The following GABRB3 variants were observed in gnomAD, a reference collection of about 807,000 sequenced individuals.
The protein encoded by GABRB3 is gamma-aminobutyric acid type A receptor subunit beta3, also known as gamma-aminobutyric acid receptor subunit beta-3.
Under a neutral mutation model 52.1 loss-of-function variants are expected in GABRB3, and 14 were observed. That is an observed-to-expected ratio of 0.27 (90% CI 0.18 to 0.42). GABRB3 has a LOEUF of 0.42. Among genes scored for constraint, GABRB3 ranks in the 10% least tolerant of loss-of-function variants. The pLI is 1.00. For synonymous variants in GABRB3, 260 were observed against 232.3 expected (o/e 1.12, Z -1.08); for missense variants, 307 against 609.1 (o/e 0.50, Z 5.22).
rs1890510273 is a variant in GABRB3, at chr15:26,751,616, A to G, written c.240+20786T>C. Among the ~76,000 whole-genome samples the G allele has an allele frequency of 4.6e-5, 7 of 152,032 alleles. No homozygotes were observed. The South Asian group carries it at 1.4e-3, about 31-fold the overall frequency. Reference sequence around the variant, plus strand: ...AAGCACCCTTAAAAAAATCAATAGTATGTCTAACTCATTAGTATTTTTGGT... The same window carrying G: ...AAGCACCCTTAAAAAAATCAATAGTGTGTCTAACTCATTAGTATTTTTGGT... On this transcript the variant is annotated intron_variant, in intron 3 of 8. Transcript: ENST00000311550.
intron 3 of GABRB3, among the ~76,000 whole-genome samples, chr15:26,670,103 G>C (rs1360234902): frequency 2.6e-5 from 4 of 152,212 alleles, no homozygotes; most frequent in Non-Finnish European, 4.4e-5. Context: ...CCTCACCTGG[G>C]AGGAGACGCA....
intron 3 of GABRB3, among the ~76,000 whole-genome samples, chr15:26,732,331 TGGATGGAC>T (rs1566822729): frequency 6.9e-6 from 1 of 145,344 alleles, no homozygotes; most frequent in South Asian, 2.1e-4. Flanking sequence ...GATGGATGGA[TGGATGGAC>T]GGACAGATGA....
chr15:26,670,136 C>G (rs990348802), intron 3 of GABRB3, among the ~76,000 whole-genome samples: 1 of 152,218 alleles, frequency 6.6e-6, no homozygotes, highest in African/African-American at 2.4e-5. Context: ...GTGCGGGAGC[C>G]TACAGGGCTG....
At chr15:26,745,495 A>G (rs1044008653) in intron 3 of GABRB3, among the ~76,000 whole-genome samples, 9 of 152,102 alleles carry the variant, frequency 5.9e-5, no homozygotes, top group African/African-American at 2.2e-4. Flanking sequence ...GTGTATTCAT[A>G]TGTGGGCAGG....
chr15:26,613,973 G>A (rs929675714), intron 4 of GABRB3: 3 of 152,274 alleles, frequency 2.0e-5, no homozygotes, highest in African/African-American at 7.2e-5. Flanking sequence ...CCTAGGACAG[G>A]GGCATGCCTG....
intron 3 of GABRB3, among the ~76,000 whole-genome samples, chr15:26,627,300 G>T (rs1232209633): frequency 6.8e-6 from 1 of 146,172 alleles, no homozygotes; most frequent in Non-Finnish European, 1.5e-5. Flanking sequence ...AGAGATGAAT[G>T]TTGTTTTCAT....
intron 3 of GABRB3, among the ~76,000 whole-genome samples, chr15:26,727,563 C>G (rs2140146622): frequency 6.6e-6 from 1 of 152,258 alleles, no homozygotes; most frequent in Non-Finnish European, 1.5e-5. Flanking sequence ...AGCACTTTCC[C>G]TACCCCAGCC....
intron 8 of GABRB3, among the ~76,000 whole-genome samples, chr15:26,560,493 G>A (rs551471046): frequency 5.6e-4 from 86 of 152,258 alleles, no homozygotes; most frequent in African/African-American, 1.9e-3. Flanking sequence ...CCAGATAGAC[G>A]CTGTTTTAAG....
intron 3 of GABRB3, among the ~76,000 whole-genome samples, chr15:26,697,699 A>T (rs1888786479): frequency 6.6e-6 from 1 of 152,166 alleles, no homozygotes; most frequent in Non-Finnish European, 1.5e-5. Context: ...GGTTGAAAAA[A>T]GGGACTGCAA....
chr15:26,679,297 G>A lies in GABRB3; in HGVS notation c.241-57763C>T, dbSNP rs116555831. Among the ~76,000 whole-genome samples the A allele has an allele frequency of 7.3e-3, 1,106 of 152,224 alleles. 17 individuals are homozygous for A. The highest frequency in any genetic ancestry group is 0.026 in the African/African-American group (1,077 of 41,558). ...ACACTGTCCACTGAAATCTGTTTCT[G>A]ACCTCCTTAGTGTAAGCACAGGCTG... On this transcript the variant is annotated intron_variant, in intron 3 of 8. Transcript: ENST00000311550.
intron 4 of GABRB3, among the ~76,000 whole-genome samples, chr15:26,591,406 T>C (rs1595465525): frequency 6.6e-6 from 1 of 152,210 alleles, no homozygotes; most frequent in Admixed American, 6.5e-5. Context: ...TCTGTTTCTA[T>C]ATTGAAGCAT....
intron 3 of GABRB3, among the ~76,000 whole-genome samples, chr15:26,706,185 G>GCT (rs1889094191): frequency 6.6e-6 from 1 of 152,144 alleles, no homozygotes; most frequent in Non-Finnish European, 1.5e-5. Context: ...GATGCTTCAG[G>GCT]CTCTATCCAC....
At chr15:26,699,125 A>C (rs1267377395) in intron 3 of GABRB3, among the ~76,000 whole-genome samples, 1 of 152,118 alleles carries the variant, frequency 6.6e-6, no homozygotes, top group Non-Finnish European at 1.5e-5. Flanking sequence ...TATTAGAGGA[A>C]AATTTGTCAG....
At chr15:26,664,850 A>C (rs1466755728) in intron 3 of GABRB3, among the ~76,000 whole-genome samples, 2 of 151,568 alleles carry the variant, frequency 1.3e-5, no homozygotes, top group Non-Finnish European at 2.9e-5. Context: ...ACAGGCATGT[A>C]ACACCACGCC....
intron 3 of GABRB3, among the ~76,000 whole-genome samples, chr15:26,751,558 A>G (rs1890508835): frequency 6.6e-6 from 1 of 151,972 alleles, no homozygotes; most frequent in Non-Finnish European, 1.5e-5. Flanking sequence ...TTGATGTTAC[A>G]CTCCTAATTT....
At chr15:26,742,433 T>C (rs950131879) in intron 3 of GABRB3, among the ~76,000 whole-genome samples, 2 of 151,266 alleles carry the variant, frequency 1.3e-5, no homozygotes, top group Non-Finnish European at 2.9e-5. Flanking sequence ...ATATTCAAGA[T>C]GTGGTCCAAA....
intron 8 of GABRB3, among the ~76,000 whole-genome samples, chr15:26,554,127 G>GTATATATATATATAAAGTATA (rs1567097126): frequency 0.075 from 1,680 of 22,334 alleles, 148 homozygotes; most frequent in Non-Finnish European, 0.13. Context: ...AAGTGTGTGT[G>GTATATATATATATAAAGTATA]TATATATATA....
chr15:26,724,657 C>T (rs1194279422), intron 3 of GABRB3, among the ~76,000 whole-genome samples: 3 of 152,132 alleles, frequency 2.0e-5, no homozygotes, highest in African/African-American at 7.2e-5. Flanking sequence ...CTGAAAACTC[C>T]ACCCTCAGAT....
At chr15:26,773,115 G>A (rs1891205165), upstream of GABRB3, 3 of 754,962 alleles carry the variant, frequency 4.0e-6, no homozygotes, top group Non-Finnish European at 4.9e-6. Flanking sequence ...GGGGAGGAGC[G>A]GGCGCTGGGA....
Sources: gnomAD v4.1 joint callset for allele counts (sites outside exome capture counted in the v4.1 genomes callset) on GRCh38, gnomAD v4.1.1 for gene constraint, MANE v1.5 for transcripts, NCBI Gene and HGNC (gene_info 2026-07-23, HGNC 2026-07-21) for gene names.